Variants in CAPN14 observed in about 807,000 individuals in gnomAD.
The protein encoded by CAPN14 is calpain-14.
CAPN14 carries 94 observed loss-of-function variants against 101.3 expected under a neutral mutation model. That is an observed-to-expected ratio of 0.93 (90% CI 0.79 to 1.10). The LOEUF (loss-of-function observed/expected upper bound fraction) is 1.10, where lower values mean the gene tolerates loss of function less well. Among genes scored for constraint, CAPN14 ranks in the 50% least tolerant of loss-of-function variants. The pLI, the probability that CAPN14 is intolerant of heterozygous loss-of-function variation, is 0.00. For missense variants in CAPN14, 837 were observed against 828.4 expected (o/e 1.01, Z -0.13); for synonymous variants, 338 against 317.9 (o/e 1.06, Z -0.67).
At chr2:31,186,509 G>A in intron 15 of CAPN14, 24 bp from the exon 16 acceptor site, 1 of 1,537,052 alleles carries the variant, frequency 6.5e-7, no homozygotes, top group South Asian at 1.2e-5. Context: ...AGATTGGCAA[G>A]AAAAAATAAC....
At chr2:31,194,650 G>A (rs556981033) in intron 8 of CAPN14, among the ~76,000 whole-genome samples, 167 bp from the exon 9 acceptor site, 12 of 152,110 alleles carry the variant, frequency 7.9e-5, no homozygotes, top group Non-Finnish European at 1.6e-4. Context: ...AGCTTACTAT[G>A]AGCCAAGCAC....
At position 31,186,559 on chromosome 2, in the gene CAPN14, A is replaced by G. The variant is rs944932657; in HGVS notation, c.1588-74T>C. ...CATTAGATGGCAGAGGGGTCATATG[A>G]CTGGCCATGAAATTAAACTGGGATT... On this transcript the variant is annotated intron_variant, in intron 15 of 21. Transcript: ENST00000403897. The G allele has an allele frequency of 4.5e-6, 5 of 1,112,736 alleles. No homozygotes were observed. The African/African-American group carries it at 8.0e-5, about 18-fold the overall frequency. 68.9% of individuals were successfully genotyped at this position (1,112,736 alleles called of 1,614,324 possible).
At chr2:31,186,586 C>T (rs975006540) in intron 15 of CAPN14, 101 bp from the exon 16 acceptor site, 2 of 851,270 alleles carry the variant, frequency 2.3e-6, no homozygotes, top group African/African-American at 1.8e-5. Context: ...ACTGGGATTT[C>T]CTAAGAACTT....
At chr2:31,188,181 G>A (rs535439676) in intron 14 of CAPN14, 137 bp downstream of exon 14, 15 of 767,158 alleles carry the variant, frequency 2.0e-5, no homozygotes, top group Admixed American at 9.1e-5. Context: ...AGGATACAAC[G>A]GGTAATGTTT....
chr2:31,209,115 T>C (rs1426450851), intron 1 of CAPN14, among the ~76,000 whole-genome samples: 1 of 150,576 alleles, frequency 6.6e-6, no homozygotes, highest in Non-Finnish European at 1.5e-5. Context: ...GACTACAGGC[T>C]CATGCCACCA....
In CAPN14 at chr2:31,199,492, T is replaced by C. The variant is rs1681642784; in HGVS notation, c.767A>G (p.Tyr256Cys). The C allele has an allele frequency of 5.2e-6, 8 of 1,551,428 alleles. No individual in the cohort carries two copies. The highest frequency in any genetic ancestry group is 2.4e-5 in the East Asian group (1 of 40,928). ...LENGLVEGHA[Y>C]TLTGIRKVTC... is the part of the protein sequence containing the mutation. ...CACCTTCCTGATTCCTGTGAGAGTA[T>C]AGGCATGGCCTTCCACCAGCCCATT... Residue 256 changes from tyrosine to cysteine, a missense_variant, in exon 7 of 22, where the codon TAT becomes TGT. Coordinates refer to ENST00000403897, the MANE Select transcript of CAPN14 (RefSeq NM_001145122.2).
chr2:31,231,204 T>C (rs1683182641), intron 1 of CAPN14, among the ~76,000 whole-genome samples: 1 of 152,160 alleles, frequency 6.6e-6, no homozygotes, highest in Non-Finnish European at 1.5e-5. Flanking sequence ...AGCTTTTTTT[T>C]ACTATTGCTC....
chr2:31,180,862 A>G, intron 17 of CAPN14, 74 bp downstream of exon 17: 1 of 1,327,854 alleles, frequency 7.5e-7, no homozygotes, highest in African/African-American at 1.5e-5. Context: ...TTGGGATTCA[A>G]ATATACTCTG....
chr2:31,204,525 G>C (rs1252259799), intron 2 of CAPN14, among the ~76,000 whole-genome samples: 1 of 152,144 alleles, frequency 6.6e-6, no homozygotes, highest in Non-Finnish European at 1.5e-5. Context: ...CTGGGGAGGG[G>C]AGGGAAACTG....
chr2:31,206,003 T>C (rs1317784641), intron 1 of CAPN14, among the ~76,000 whole-genome samples: 2 of 148,522 alleles, frequency 1.3e-5, no homozygotes, highest in South Asian at 2.2e-4. Context: ...CTGCAAAACC[T>C]CCTCCTACAT....
Position 31,189,363 on chromosome 2 carries a change from G to T in CAPN14, c.1403C>A (p.Pro468Gln), listed in dbSNP as rs1053448992. Reference protein sequence around the residue: ...KEVSQELCLEPGTYLIVPCIL... With the variant: ...KEVSQELCLEQGTYLIVPCIL... ...GCAGGGCACGATGAGGTACGTCCCT[G>T]GTTCCAGACACAGCTCCTGACTCAC... The change falls in exon 13 of 22, where the codon CCA becomes CAA. Residue 468 changes from proline to glutamine, a missense_variant. Transcript: ENST00000403897. 1.3e-6 allele frequency: 2 copies of T among 1,551,606 alleles called. No individual in the cohort carries two copies. Among genetic ancestry groups the T allele is most frequent in the Non-Finnish European group, 1.7e-6 (2 of 1,147,008 alleles).
At chr2:31,181,492 TC>T (rs1216990940) in intron 16 of CAPN14, among the ~76,000 whole-genome samples, 7 of 134,526 alleles carry the variant, frequency 5.2e-5, no homozygotes. Context: ...TCTCTCTCTC[TC>T]TTTCCTTTCT....
intron 6 of CAPN14, 90 bp downstream of exon 6, chr2:31,200,361 G>T: frequency 8.1e-7 from 1 of 1,230,664 alleles, no homozygotes. Context: ...TGGAGGCCCT[G>T]AGCCCACACC....
chr2:31,201,388 C>T (rs529975704), intron 5 of CAPN14, among the ~76,000 whole-genome samples: 203 of 152,234 alleles, frequency 1.3e-3, no homozygotes, highest in African/African-American at 4.8e-3. Context: ...GATCAGGCCG[C>T]CCCACAGGGA....
At position 31,205,404 on chromosome 2, in the gene CAPN14, G is replaced by T; in HGVS notation, c.44C>A (p.Pro15Gln). 1 of 1,551,602 alleles carries T rather than the reference G, an allele frequency of 6.4e-7. No homozygotes were observed. The highest frequency in any genetic ancestry group is 8.7e-7 in the Non-Finnish European group (1 of 1,146,974). ...TGGAGACGCCCTCCTAGAGTACCTT[G>T]GCGCCAGCTTCCATCTGCATCGGAA... ...PPFRCRWKLA[P>Q]RYSRRASPQQ... is the part of the protein sequence containing the mutation. Residue 15 changes from proline (P) to glutamine (Q), a missense_variant, in exon 2 of 22, where the codon CCA (proline) becomes CAA (glutamine). Pro to Gln is a moderately conservative substitution (Grantham distance 76). Transcript: ENST00000403897.
chr2:31,178,288 C>T lies in CAPN14; in HGVS notation c.1779+223G>A, dbSNP rs570471166. Among the ~76,000 whole-genome samples the T allele has an allele frequency of 2.0e-5, 3 of 152,264 alleles. No homozygotes were observed. The South Asian group carries it at 6.2e-4, about 32-fold the overall frequency. ...TCTTAAAAAGCTTTTTGTGAGGAAACAGCATGATCAGATATGTGTTTTGGA... is the reference window on the plus strand; with the variant it reads ...TCTTAAAAAGCTTTTTGTGAGGAAATAGCATGATCAGATATGTGTTTTGGA... On this transcript the variant is annotated intron_variant, in intron 18 of 21. Transcript: ENST00000403897.
rs1340482928 is a variant in CAPN14, at chr2:31,206,044, T to A, written c.-52-545A>T. On this transcript the variant is annotated intron_variant, in intron 1 of 21. Coordinates refer to ENST00000403897, the MANE Select transcript of CAPN14 (RefSeq NM_001145122.2). ...TTATTTTTTTTATTTATTTATTTTTTTTTTTTGAGACAGAGTCTCATTCTG... is the reference window on the plus strand; with the variant it reads ...TTATTTTTTTTATTTATTTATTTTTATTTTTTGAGACAGAGTCTCATTCTG... Among the ~76,000 whole-genome samples the A allele has an allele frequency of 3.2e-4, 47 of 148,242 alleles. 1 individual carries two copies. Among genetic ancestry groups the A allele is most frequent in the African/African-American group, 1.1e-3 (46 of 41,112 alleles).
intron 5 of CAPN14, 104 bp from the exon 6 acceptor site, chr2:31,200,729 T>A: frequency 6.1e-6 from 7 of 1,149,104 alleles, no homozygotes; most frequent in Non-Finnish European, 7.2e-6. Context: ...AGTTTTCTCA[T>A]ACCAAAAGCA....
chr2:31,220,414 A>G (rs1292497974), upstream of CAPN14, among the ~76,000 whole-genome samples: 2 of 152,238 alleles, frequency 1.3e-5, no homozygotes, highest in Admixed American at 6.5e-5. Flanking sequence ...CTTTGCCAAC[A>G]TAAGAGTAAA....
Sources: allele counts gnomAD v4.1 joint callset (sites outside exome capture counted in the v4.1 genomes callset), GRCh38; gene constraint gnomAD v4.1.1; transcripts MANE v1.5; gene names NCBI Gene and HGNC (gene_info 2026-07-23, HGNC 2026-07-21).